Variants in MAGI1 observed in about 807,000 individuals in gnomAD.
MAGI1 encodes the protein membrane-associated guanylate kinase, WW and PDZ domain-containing protein 1.
In MAGI1, 58 loss-of-function variants were observed where a neutral mutation model predicts 139.9. That is an observed-to-expected ratio of 0.41 (90% CI 0.34 to 0.52). MAGI1 has a LOEUF of 0.52. Among genes scored for constraint, MAGI1 ranks in the 20% least tolerant of loss-of-function variants. The probability of loss-of-function intolerance (pLI) is 0.12; values close to 1 mark genes in which losing one functional copy is unlikely to be tolerated. For synonymous variants in MAGI1, 812 were observed against 737.9 expected, an observed-to-expected ratio of 1.10 and a Z score of -1.63; for missense variants, 1,874 against 1,901.6, an observed-to-expected ratio of 0.99 and a Z score of 0.27.
intron 2 of MAGI1, among the ~76,000 whole-genome samples, chr3:65,570,133 C>A (rs2080887310): frequency 6.7e-6 from 1 of 148,748 alleles, no homozygotes; most frequent in South Asian, 2.1e-4. Flanking sequence ...GACACAGTCT[C>A]ACTCGGTTGC....
intron 1 of MAGI1, among the ~76,000 whole-genome samples, chr3:65,625,887 T>C (rs1486593811): frequency 6.6e-6 from 1 of 152,194 alleles, no homozygotes; most frequent in African/African-American, 2.4e-5. Context: ...TGTAAACTCA[T>C]TAATAAACAT....
chr3:65,951,282 T>A (rs1355544324), intron 1 of MAGI1, among the ~76,000 whole-genome samples: 1 of 152,202 alleles, frequency 6.6e-6, no homozygotes, highest in Non-Finnish European at 1.5e-5. Context: ...ATACCTCACA[T>A]GGCTGAAGAA....
At chr3:65,636,663 A>G (rs1055884671) in intron 1 of MAGI1, among the ~76,000 whole-genome samples, 2 of 151,684 alleles carry the variant, frequency 1.3e-5, no homozygotes, top group African/African-American at 2.4e-5. Flanking sequence ...CCAAAGTTCT[A>G]CAGCTTTTTT....
chr3:65,638,334 T>G (rs771427306), intron 1 of MAGI1, among the ~76,000 whole-genome samples: 1 of 152,000 alleles, frequency 6.6e-6, no homozygotes, highest in South Asian at 2.1e-4. Context: ...TCCAAGAAGG[T>G]AACAGAAAAG....
chr3:65,618,569 T>C (rs976435783), intron 2 of MAGI1, among the ~76,000 whole-genome samples: 7 of 149,530 alleles, frequency 4.7e-5, no homozygotes, highest in Non-Finnish European at 1.1e-4. Context: ...ATCAGAAACT[T>C]TTTTTTTTCT....
At chr3:65,615,036 G>A (rs1467588816) in intron 2 of MAGI1, among the ~76,000 whole-genome samples, 2 of 149,016 alleles carry the variant, frequency 1.3e-5, no homozygotes, top group African/African-American at 2.5e-5. Flanking sequence ...AAAAAAAAAA[G>A]AAAGAAAGAA....
intron 2 of MAGI1, among the ~76,000 whole-genome samples, chr3:65,582,847 A>T (rs2081502876): frequency 6.6e-6 from 1 of 152,216 alleles, no homozygotes; most frequent in Non-Finnish European, 1.5e-5. Flanking sequence ...ATGAACGCTG[A>T]CATGAGACAT....
chr3:65,901,713 C>T (rs264678), intron 1 of MAGI1, among the ~76,000 whole-genome samples: 2,091 of 152,180 alleles, frequency 0.014, 43 homozygotes, highest in African/African-American at 0.047. Flanking sequence ...TGGTCCAATC[C>T]CCAGATTCTG....
chr3:65,580,288 T>C (rs888317769), intron 2 of MAGI1, among the ~76,000 whole-genome samples: 4 of 150,630 alleles, frequency 2.7e-5, no homozygotes, highest in African/African-American at 7.3e-5. Context: ...TAATTTTGTA[T>C]CCCATTTGGT....
At chr3:65,650,864 C>A (rs570934370) in intron 1 of MAGI1, among the ~76,000 whole-genome samples, 2 of 152,240 alleles carry the variant, frequency 1.3e-5, no homozygotes, top group East Asian at 1.9e-4. Flanking sequence ...ACGATTCTTA[C>A]AATTTACAGC....
At chr3:65,616,238 G>C (rs1259867033) in intron 2 of MAGI1, among the ~76,000 whole-genome samples, 3 of 152,120 alleles carry the variant, frequency 2.0e-5, no homozygotes, top group Admixed American at 6.5e-5. Context: ...GCAGGCAAGG[G>C]GTGGGTCAGT....
At chr3:65,887,259 A>AC (rs2060571306) in intron 1 of MAGI1, among the ~76,000 whole-genome samples, 1 of 152,020 alleles carries the variant, frequency 6.6e-6, no homozygotes, top group Non-Finnish European at 1.5e-5. Flanking sequence ...TAACAGGAAA[A>AC]ATTTAGTTTT....
intron 1 of MAGI1, among the ~76,000 whole-genome samples, chr3:65,850,832 C>T (rs778822465): frequency 1.3e-5 from 2 of 152,112 alleles, no homozygotes; most frequent in Non-Finnish European, 2.9e-5. Context: ...TCAAGCACGG[C>T]GTGGTGGCTC....
At chr3:65,459,154 G>A (rs1949606162) in intron 5 of MAGI1, among the ~76,000 whole-genome samples, 1 of 152,096 alleles carries the variant, frequency 6.6e-6, no homozygotes, top group Non-Finnish European at 1.5e-5. Flanking sequence ...TGTTCCATTG[G>A]TCTATGTGTC....
In MAGI1 at chr3:66,038,677, C is replaced by T. The variant is rs1329638384; in HGVS notation, c.-369G>A. The T allele has an allele frequency of 2.1e-5, 4 of 189,202 alleles. No individual in the cohort carries two copies. Among genetic ancestry groups the T allele is most frequent in the Non-Finnish European group, 3.2e-5 (3 of 93,256 alleles). The allele number at this position is 189,202 out of a possible 1,614,324, so 11.7% of individuals were successfully genotyped here. ...TTGCCTTTTACAAATGCGGTGCCTCCTCTTTGCCTCCCGCCCGGCTCGCCT... is the reference window on the plus strand; with the variant it reads ...TTGCCTTTTACAAATGCGGTGCCTCTTCTTTGCCTCCCGCCCGGCTCGCCT... On this transcript the variant is annotated 5_prime_UTR_variant, in exon 1 of 23. Transcript: ENST00000402939.
At chr3:65,635,083 A>AT (rs1435876582) in intron 1 of MAGI1, among the ~76,000 whole-genome samples, 11 of 146,766 alleles carry the variant, frequency 7.5e-5, no homozygotes, top group African/African-American at 2.7e-4. Flanking sequence ...AAGTAAAATA[A>AT]AATATATATA....
chr3:65,551,467 A>G (rs1426900958), intron 2 of MAGI1, among the ~76,000 whole-genome samples: 1 of 151,814 alleles, frequency 6.6e-6, no homozygotes, highest in Non-Finnish European at 1.5e-5. Context: ...CGCGCGGCTA[A>G]TTTTCTGTGT....
At chr3:65,477,708 ATTAT>A (rs1950974587) in intron 4 of MAGI1, among the ~76,000 whole-genome samples, 1 of 114,208 alleles carries the variant, frequency 8.8e-6, no homozygotes, top group African/African-American at 3.8e-5. Flanking sequence ...TATTATTATT[ATTAT>A]TTTTTTTTTT....
intron 1 of MAGI1, among the ~76,000 whole-genome samples, chr3:65,742,896 G>C (rs566666974): frequency 3.3e-5 from 5 of 152,244 alleles, no homozygotes; most frequent in Admixed American, 1.3e-4. Context: ...AATATGTCTG[G>C]GAAATGTTTG....
Sources: gnomAD v4.1 joint callset for allele counts (sites outside exome capture counted in the v4.1 genomes callset) on GRCh38, gnomAD v4.1.1 for gene constraint, MANE v1.5 for transcripts, NCBI Gene and HGNC (gene_info 2026-07-23, HGNC 2026-07-21) for gene names.